Variants in TSPAN7 observed in about 807,000 individuals in gnomAD.
TSPAN7 encodes tetraspanin 7, also known as tetraspanin-7.
TSPAN7 carries 1 observed loss-of-function variant against 17.6 expected under a neutral mutation model. The ratio of observed to expected loss-of-function variants is 0.06; its 90% confidence interval spans 0.02 to 0.27. The LOEUF is 0.27. Among genes scored for constraint, TSPAN7 ranks in the 10% least tolerant of loss-of-function variants. TSPAN7 has a pLI of 1.00. For missense variants in TSPAN7, 112 were observed against 201.7 expected (o/e 0.56, Z 2.69); for synonymous variants, 78 against 79.0 (o/e 0.99, Z 0.07).
intron 1 of TSPAN7, among the ~76,000 whole-genome samples, chrX:38,584,917 C>T (rs2069249860): frequency 8.9e-6 from 1 of 111,847 alleles, no homozygotes; most frequent in African/African-American, 3.2e-5. Context: ...TGGCCAAATT[C>T]TTTTCTCTTT....
chrX:38,600,097 A>C (rs1353530068), intron 1 of TSPAN7, among the ~76,000 whole-genome samples: 2 of 111,819 alleles, frequency 1.8e-5, no homozygotes, highest in Non-Finnish European at 3.8e-5. Flanking sequence ...ATTCTATCTG[A>C]GAAGAAAATC....
At position 38,603,485 on chromosome X, in the gene TSPAN7, A is replaced by T. The variant is rs776829314; in HGVS notation, c.81+41858A>T. Among the ~76,000 whole-genome samples, 3 of 112,345 alleles carry T rather than the reference A, an allele frequency of 2.7e-5. No homozygotes were observed. The Admixed American group carries it at 2.8e-4, about 11-fold the overall frequency. On this transcript the variant is annotated intron_variant, in intron 1 of 7. Coordinates refer to ENST00000378482, the MANE Select transcript of TSPAN7 (RefSeq NM_004615.4). The stretch of plus-strand genomic sequence containing the variant: ...TGGGCATTTAGGCACATTATTCATA[A>T]TAGCTCAGAAGTGGAAACAACCCAA...
intron 1 of TSPAN7, among the ~76,000 whole-genome samples, chrX:38,603,272 A>C (rs1003888915): frequency 8.9e-6 from 1 of 112,143 alleles, no homozygotes; most frequent in African/African-American, 3.2e-5. Flanking sequence ...GTTGGCAAGG[A>C]TGTAGAAAAG....
At chrX:38,578,210 G>A (rs2069207590) in intron 1 of TSPAN7, among the ~76,000 whole-genome samples, 1 of 111,603 alleles carries the variant, frequency 9.0e-6, no homozygotes, top group Non-Finnish European at 1.9e-5. Flanking sequence ...GATAGTAAAT[G>A]GTATTCTTTT....
chrX:38,647,516 G>C (rs1238020348), intron 1 of TSPAN7, among the ~76,000 whole-genome samples: 1 of 112,269 alleles, frequency 8.9e-6, no homozygotes, highest in Non-Finnish European at 1.9e-5. Context: ...TTTATTGAGT[G>C]TGTACTAAAT....
intron 1 of TSPAN7, among the ~76,000 whole-genome samples, chrX:38,662,881 A>G (rs998846063): frequency 1.1e-4 from 12 of 110,190 alleles, no homozygotes; most frequent in African/African-American, 3.6e-4. Context: ...TGAGAGGAAC[A>G]TGAGTCCCTC....
intron 2 of TSPAN7, among the ~76,000 whole-genome samples, chrX:38,668,844 C>T (rs2069801030): frequency 9.0e-6 from 1 of 111,675 alleles, no homozygotes. Context: ...TTTGAGGAAC[C>T]TCTACTCTGT....
At position 38,562,822 on chromosome X, in the gene TSPAN7, C is replaced by T. The variant is rs756094759; in HGVS notation, c.81+1195C>T. 3 of 324,173 alleles carry T rather than the reference C, an allele frequency of 9.3e-6. No homozygotes were observed. The East Asian group carries it at 3.1e-4, about 34-fold the overall frequency. 26.7% of individuals were successfully genotyped at this position (324,173 alleles called of 1,213,427 possible). On this transcript the variant is annotated intron_variant, in intron 1 of 7. Transcript: ENST00000378482. ...ATCGACCCTCTTCCCCCCTTGTCCC[C>T]CAAATCTGGGTCATTTTAGCTTCTA...
At chrX:38,644,007 C>T (rs962153140) in intron 1 of TSPAN7, among the ~76,000 whole-genome samples, 1 of 111,636 alleles carries the variant, frequency 9.0e-6, no homozygotes, top group Non-Finnish European at 1.9e-5. Context: ...TGACAATGCC[C>T]TGTGCTTCTC....
chrX:38,605,427 A>G (rs1477867259), intron 1 of TSPAN7, among the ~76,000 whole-genome samples: 1 of 111,422 alleles, frequency 9.0e-6, no homozygotes, highest in Non-Finnish European at 1.9e-5. Flanking sequence ...AAACAAATGG[A>G]AGAACATTAT....
intron 1 of TSPAN7, among the ~76,000 whole-genome samples, chrX:38,616,253 C>T (rs867650123): frequency 1.8e-5 from 2 of 112,092 alleles, no homozygotes; most frequent in Non-Finnish European, 1.9e-5. Flanking sequence ...ATTAATATCT[C>T]CACTTTACAG....
chrX:38,656,350 TA>T (rs761507135), intron 1 of TSPAN7, among the ~76,000 whole-genome samples: 22 of 112,088 alleles, frequency 2.0e-4, no homozygotes, highest in Admixed American at 1.8e-3. Flanking sequence ...ATGATCTTTT[TA>T]AAAAGTATCT....
At chrX:38,638,908 C>T (rs2069597189) in intron 1 of TSPAN7, among the ~76,000 whole-genome samples, 2 of 111,610 alleles carry the variant, frequency 1.8e-5, no homozygotes, top group African/African-American at 6.5e-5. Flanking sequence ...AGACATACAG[C>T]AAGCAGGGAC....
intron 1 of TSPAN7, among the ~76,000 whole-genome samples, chrX:38,644,791 G>A (rs1477721724): frequency 2.7e-5 from 3 of 112,483 alleles, no homozygotes; most frequent in Non-Finnish European, 5.6e-5. Flanking sequence ...TGTACAAGGT[G>A]TTATTCCAAG....
chrX:38,591,739 GC>G (rs1258614215), intron 1 of TSPAN7, among the ~76,000 whole-genome samples: 1 of 111,913 alleles, frequency 8.9e-6, no homozygotes, highest in African/African-American at 3.3e-5. Flanking sequence ...GATAAATGGA[GC>G]CCTTTATCAT....
At chrX:38,624,807 T>C (rs2069512076) in intron 1 of TSPAN7, among the ~76,000 whole-genome samples, 1 of 112,995 alleles carries the variant, frequency 8.8e-6, no homozygotes, top group Admixed American at 9.3e-5. Flanking sequence ...TTAAGGAATA[T>C]TCATGCCTGG....
chrX:38,632,053 G>T (rs930711617), intron 1 of TSPAN7, among the ~76,000 whole-genome samples: 1 of 111,175 alleles, frequency 9.0e-6, no homozygotes, highest in Non-Finnish European at 1.9e-5. Context: ...TTAAACTATG[G>T]AGAAGACACA....
chrX:38,621,543 G>C (rs1238486209), intron 1 of TSPAN7, among the ~76,000 whole-genome samples: 1 of 111,906 alleles, frequency 8.9e-6, no homozygotes, highest in Admixed American at 9.5e-5. Flanking sequence ...ATGTAAGGCT[G>C]TAAGGAAAGG....
At chrX:38,680,795 C>G (rs776978064) in intron 5 of TSPAN7, among the ~76,000 whole-genome samples, 2 of 111,327 alleles carry the variant, frequency 1.8e-5, no homozygotes, top group Non-Finnish European at 3.8e-5. Flanking sequence ...TTCAAGGATG[C>G]GGAATGTCTT....
Sources: gnomAD v4.1 joint callset for allele counts (sites outside exome capture counted in the v4.1 genomes callset) on GRCh38, gnomAD v4.1.1 for gene constraint, MANE v1.5 for transcripts, NCBI Gene and HGNC (gene_info 2026-07-23, HGNC 2026-07-21) for gene names.